Variants in NLGN1 observed in about 807,000 individuals in gnomAD.
The protein encoded by NLGN1 is neuroligin 1.
In NLGN1, 12 loss-of-function variants were observed where a neutral mutation model predicts 65.5. That is an observed-to-expected ratio of 0.18 (90% CI 0.12 to 0.30). The LOEUF (loss-of-function observed/expected upper bound fraction) is 0.30, where lower values mean the gene tolerates loss of function less well. Among genes scored for constraint, NLGN1 ranks in the 10% least tolerant of loss-of-function variants. NLGN1 has a pLI of 1.00. For missense variants in NLGN1, 750 were observed against 1,007.1 expected (o/e 0.74, Z 3.46); for synonymous variants, 350 against 359.5 (o/e 0.97, Z 0.30).
rs1553897255 is a variant in NLGN1 at position 173,944,124 on chromosome 3, G to GGTGTGTGT, written c.646+136323_646+136330dup. 5.6e-3 allele frequency among the ~76,000 whole-genome samples: 785 copies of GGTGTGTGT among 139,570 alleles called. 7 individuals are homozygous for GGTGTGTGT. Among genetic ancestry groups the GGTGTGTGT allele is most frequent in the African/African-American group, 0.016 (581 of 36,524 alleles). 91.6% of individuals were successfully genotyped at this position (139,570 alleles called of 152,430 possible). A position where few individuals can be genotyped will look rare whatever the true frequency, so the allele number is the denominator to read the frequency against. The stretch of plus-strand genomic sequence containing the variant: ...TTTTAAATGTCCAGTTAATATTATG[G>GGTGTGTGT]GTGTGTGTGTGTGTGTGTGTGTGTG... On this transcript the variant is annotated intron_variant, in intron 4 of 6. Transcript: ENST00000457714.
intron 4 of NLGN1, among the ~76,000 whole-genome samples, chr3:174,249,891 GT>G (rs1244610091): frequency 1.3e-5 from 2 of 152,170 alleles, no homozygotes; most frequent in East Asian, 3.8e-4. Context: ...TCATGCATTT[GT>G]TCCAATGTGT....
chr3:173,759,428 G>T (rs1442966120), intron 3 of NLGN1, among the ~76,000 whole-genome samples: 1 of 151,856 alleles, frequency 6.6e-6, no homozygotes, highest in Non-Finnish European at 1.5e-5. Context: ...TAACGTCTTT[G>T]TACATAGCAG....
In NLGN1 at chr3:173,850,554, G is replaced by A. The variant is rs143469380; in HGVS notation, c.646+42722G>A. Reference sequence around the variant, plus strand: ...ATTTTTACTCTATCTGCAATTTAGTGTAAAGAATGAGAGACATTCATTCCA... The same window carrying A: ...ATTTTTACTCTATCTGCAATTTAGTATAAAGAATGAGAGACATTCATTCCA... On this transcript the variant is annotated intron_variant, in intron 4 of 6. Transcript: ENST00000457714. Among the ~76,000 whole-genome samples the A allele has an allele frequency of 5.0e-4, 76 of 152,224 alleles. 1 individual carries two copies. The Middle Eastern group carries it at 0.01, about 20-fold the overall frequency.
At chr3:174,265,992 A>G (rs1748124684) in intron 4 of NLGN1, among the ~76,000 whole-genome samples, 1 of 147,898 alleles carries the variant, frequency 6.8e-6, no homozygotes, top group South Asian at 2.1e-4. Flanking sequence ...GTATATATGT[A>G]TATATATATT....
intron 4 of NLGN1, among the ~76,000 whole-genome samples, chr3:174,238,822 T>C (rs16858331): frequency 0.11 from 16,725 of 152,158 alleles, 1,624 homozygotes; most frequent in African/African-American, 0.26. Flanking sequence ...GTTTTAAAGA[T>C]AAGCACTCAC....
intron 4 of NLGN1, among the ~76,000 whole-genome samples, chr3:174,212,029 T>C: frequency 6.6e-6 from 1 of 152,066 alleles, no homozygotes; most frequent in Non-Finnish European, 1.5e-5. Flanking sequence ...GGGGGTGGTG[T>C]TCGCCCGGGA....
intron 2 of NLGN1, among the ~76,000 whole-genome samples, chr3:173,458,963 A>G (rs16826691): frequency 0.2 from 29,975 of 151,964 alleles, 3,244 homozygotes; most frequent in African/African-American, 0.29. Context: ...ACGCCACTAG[A>G]GTATCATTGG....
intron 4 of NLGN1, among the ~76,000 whole-genome samples, chr3:173,907,117 C>T (rs1738578752): frequency 6.6e-6 from 1 of 152,058 alleles, no homozygotes; most frequent in Non-Finnish European, 1.5e-5. Context: ...ATATCCACAT[C>T]TTATTGTTGC....
chr3:174,166,370 A>G (rs1727493568), intron 4 of NLGN1, among the ~76,000 whole-genome samples: 1 of 152,028 alleles, frequency 6.6e-6, no homozygotes. Flanking sequence ...TTTCTGTATC[A>G]GAGACCTTTT....
chr3:173,954,689 G>T (rs1261280932), intron 4 of NLGN1, among the ~76,000 whole-genome samples: 11 of 151,952 alleles, frequency 7.2e-5, no homozygotes. Flanking sequence ...TGCTCACACG[G>T]TCACTAAACT....
chr3:174,243,169 G>A (rs375874175), intron 4 of NLGN1, among the ~76,000 whole-genome samples: 2 of 152,294 alleles, frequency 1.3e-5, no homozygotes, highest in African/African-American at 4.8e-5. Context: ...GTATTTAAAT[G>A]TTCACATATA....
intron 4 of NLGN1, among the ~76,000 whole-genome samples, chr3:174,045,402 C>T (rs1177727240): frequency 2.0e-5 from 3 of 151,964 alleles, no homozygotes; most frequent in Non-Finnish European, 2.9e-5. Context: ...TCAGATCTTG[C>T]GAGAACTCAC....
intron 4 of NLGN1, among the ~76,000 whole-genome samples, chr3:174,116,060 G>A (rs535982465): frequency 1.3e-5 from 2 of 152,200 alleles, no homozygotes; most frequent in Admixed American, 6.5e-5. Context: ...ATTACAACAA[G>A]AAAATTATTA....
chr3:173,544,708 A>G (rs1739476412), intron 2 of NLGN1, among the ~76,000 whole-genome samples: 1 of 152,190 alleles, frequency 6.6e-6, no homozygotes, highest in African/African-American at 2.4e-5. Context: ...CTAGATATAC[A>G]GATTTGGAAT....
At chr3:173,403,158 A>G (rs1484297345) in intron 1 of NLGN1, among the ~76,000 whole-genome samples, 4 of 152,164 alleles carry the variant, frequency 2.6e-5, no homozygotes, top group Non-Finnish European at 4.4e-5. Flanking sequence ...GCATACTTTC[A>G]TGATGTTACA....
intron 4 of NLGN1, among the ~76,000 whole-genome samples, chr3:173,972,972 T>C (rs1245168075): frequency 6.6e-6 from 1 of 152,122 alleles, no homozygotes; most frequent in African/African-American, 2.4e-5. Context: ...GTTAAGAGTT[T>C]AGTGATTTAA....
intron 4 of NLGN1, among the ~76,000 whole-genome samples, chr3:174,018,800 T>A (rs1042335894): frequency 5.3e-5 from 8 of 152,166 alleles, no homozygotes; most frequent in African/African-American, 1.9e-4. Flanking sequence ...CTGCCTTGAT[T>A]AAAGTATCCA....
intron 4 of NLGN1, among the ~76,000 whole-genome samples, chr3:174,242,668 G>A (rs1743110438): frequency 6.6e-6 from 1 of 152,046 alleles, no homozygotes; most frequent in Non-Finnish European, 1.5e-5. Context: ...CCATCTAGTT[G>A]CAAGAAAACA....
At chr3:173,412,161 GA>G (rs1464376499) in intron 1 of NLGN1, among the ~76,000 whole-genome samples, 1 of 152,190 alleles carries the variant, frequency 6.6e-6, no homozygotes, top group Non-Finnish European at 1.5e-5. Flanking sequence ...TCCCTCTGCA[GA>G]ATACTATTAG....
Sources: allele counts gnomAD v4.1 joint callset (sites outside exome capture counted in the v4.1 genomes callset), GRCh38; gene constraint gnomAD v4.1.1; transcripts MANE v1.5; gene names NCBI Gene and HGNC (gene_info 2026-07-23, HGNC 2026-07-21).